Variants in KIRREL3 observed in about 807,000 individuals in gnomAD.
The protein encoded by KIRREL3 is kin of IRRE-like protein 3.
KIRREL3 carries 36 observed loss-of-function variants against 89.7 expected under a neutral mutation model. The observed-to-expected ratio is 0.40, with a 90% CI of 0.31 to 0.53. The LOEUF is 0.53. Ranked by LOEUF, KIRREL3 falls within the 20% of genes least tolerant of loss-of-function variation. The pLI is 0.49. For missense variants in KIRREL3, 864 were observed against 1,056.6 expected (o/e 0.82, Z 2.53); for synonymous variants, 445 against 441.4 (o/e 1.01, Z -0.10).
rs745805898 is a variant in KIRREL3, at chr11:126,456,039, G to GTT, written c.848+308_848+309dup. Among the ~76,000 whole-genome samples, 70 of 68,304 alleles carry GTT rather than the reference G, an allele frequency of 1.0e-3. 3 individuals carry two copies. In the South Asian group the frequency reaches 0.028, roughly 27 times the overall value. The allele number at this position is 68,304 out of a possible 152,430, so 44.8% of individuals were successfully genotyped here. A position where few individuals can be genotyped will look rare whatever the true frequency, so the allele number is the denominator to read the frequency against. On this transcript the variant is annotated intron_variant, in intron 7 of 16. Transcript: ENST00000525144. ...GTTGTTCTGGTTTTTTTTTGTTTTC[G>GTT]TTTTTTTTTTTTTTTTTTCCTGAGC...
At chr11:126,852,786 G>A (rs962078037) in intron 1 of KIRREL3, among the ~76,000 whole-genome samples, 1 of 152,184 alleles carries the variant, frequency 6.6e-6, no homozygotes, top group African/African-American at 2.4e-5. Flanking sequence ...CCCCGGCAAG[G>A]CAATGGCAGG....
Position 126,579,535 on chromosome 11 carries a change from A to G in KIRREL3, c.56-16623T>C, listed in dbSNP as rs1469438014. Among the ~76,000 whole-genome samples, 2 of 152,180 alleles carry G rather than the reference A, an allele frequency of 1.3e-5. No individual in the cohort carries two copies. Among genetic ancestry groups the G allele is most frequent in the African/African-American group, 4.8e-5 (2 of 41,444 alleles). On this transcript the variant is annotated intron_variant, in intron 1 of 16. Coordinates refer to ENST00000525144, the MANE Select transcript of KIRREL3 (RefSeq NM_032531.4). The surrounding 1 kb of genome is among the most constrained non-coding windows in gnomAD (Gnocchi z 5.3). The stretch of plus-strand genomic sequence containing the variant: ...GAGCAAATGGGGTCCGGGTTCATGC[A>G]AGAAGCCAGTGGAAGAGGAGAACTG...
chr11:126,551,446 G>A lies in KIRREL3; in HGVS notation c.133+11389C>T, dbSNP rs1236317775. Among the ~76,000 whole-genome samples the A allele has an allele frequency of 2.0e-5, 3 of 152,176 alleles. No homozygotes were observed. The stretch of plus-strand genomic sequence containing the variant: ...CTGTAGCAAGGGCTATGGGAGTTAT[G>A]AGCCGGGAACCGTGGATGAAATCCC... On this transcript the variant is annotated intron_variant, in intron 2 of 16. Coordinates refer to ENST00000525144, the MANE Select transcript of KIRREL3 (RefSeq NM_032531.4). This position sits in a 1 kb window ranked among gnomAD's most constrained non-coding sequence, Gnocchi z 4.9.
chr11:126,818,132 A>G (rs1217323676), intron 1 of KIRREL3, among the ~76,000 whole-genome samples: 2 of 152,206 alleles, frequency 1.3e-5, no homozygotes, highest in Non-Finnish European at 2.9e-5. Flanking sequence ...ATCAGGTTGT[A>G]AGGTGAGTCT....
At chr11:126,717,144 T>C (rs959147828) in intron 1 of KIRREL3, among the ~76,000 whole-genome samples, 1 of 152,156 alleles carries the variant, frequency 6.6e-6, no homozygotes, top group African/African-American at 2.4e-5. Context: ...CCTTAGACCT[T>C]CACGCTGGTC....
At chr11:126,556,359 G>C (rs1055629124) in intron 2 of KIRREL3, among the ~76,000 whole-genome samples, 1 of 152,176 alleles carries the variant, frequency 6.6e-6, no homozygotes, top group Non-Finnish European at 1.5e-5. Context: ...AAGGAACTTT[G>C]GCTGGGTGCA....
At chr11:126,425,132 C>G (rs1954891728) in intron 16 of KIRREL3, 109 bp from the exon 17 acceptor site, 1 of 1,112,066 alleles carries the variant, frequency 9.0e-7, no homozygotes, top group Non-Finnish European at 1.3e-6. Context: ...AGAGGGAAAA[C>G]AGGAGGAAGG....
In KIRREL3 at chr11:126,624,524, T is replaced by C. The variant is rs1364010530; in HGVS notation, c.56-61612A>G. Reference sequence around the variant, plus strand: ...GTTTATAATGGTGTAAAAACCCTGGTTTCCCCTTCCCATTCCCGGTGCCTT... The same window carrying C: ...GTTTATAATGGTGTAAAAACCCTGGCTTCCCCTTCCCATTCCCGGTGCCTT... On this transcript the variant is annotated intron_variant, in intron 1 of 16. Transcript: ENST00000525144. The surrounding 1 kb of genome is among the most constrained non-coding windows in gnomAD (Gnocchi z 6.0). Among the ~76,000 whole-genome samples the C allele has an allele frequency of 6.6e-6, 1 of 152,170 alleles. No homozygotes were observed. The highest frequency in any genetic ancestry group is 1.9e-4 in the East Asian group (1 of 5,188).
rs1312610009 is a variant in KIRREL3 at position 126,948,908 on chromosome 11, C to T, written c.55+51547G>A. ...CAAAACATAATCCCATATACATATACCATATAACATGCTGGGCTAGGAGAA... is the reference window on the plus strand; with the variant it reads ...CAAAACATAATCCCATATACATATATCATATAACATGCTGGGCTAGGAGAA... On this transcript the variant is annotated intron_variant, in intron 1 of 16. Transcript: ENST00000525144. This position sits in a 1 kb window ranked among gnomAD's most constrained non-coding sequence, Gnocchi z 4.5. 2.6e-5 allele frequency among the ~76,000 whole-genome samples: 4 copies of T among 152,164 alleles called. No individual in the cohort carries two copies. Among genetic ancestry groups the T allele is most frequent in the Non-Finnish European group, 4.4e-5 (3 of 68,040 alleles).
Position 126,995,529 on chromosome 11 carries a change from C to G in KIRREL3, c.55+4926G>C, listed in dbSNP as rs1950158828. The G allele has an allele frequency of 2.8e-6, 1 of 354,500 alleles. No individual in the cohort carries two copies. Among genetic ancestry groups the G allele is most frequent in the Non-Finnish European group, 5.5e-6 (1 of 180,872 alleles). The allele number at this position is 354,500 out of a possible 1,614,324, so 22.0% of individuals were successfully genotyped here. ...GCTGCAAAATAATGCCTATGCCCCT[C>G]TAGCCCCCTTAGCATCCCCCATCTA... is the stretch of plus-strand genomic sequence containing the variant. On this transcript the variant is annotated intron_variant, in intron 1 of 16. Coordinates refer to ENST00000525144, the MANE Select transcript of KIRREL3 (RefSeq NM_032531.4). The surrounding 1 kb of genome is among the most constrained non-coding windows in gnomAD (Gnocchi z 6.5).
rs1940649493 is a variant in KIRREL3 at position 126,568,083 on chromosome 11, T to C, written c.56-5171A>G. Among the ~76,000 whole-genome samples, 1 of 152,070 alleles carries C rather than the reference T, an allele frequency of 6.6e-6. No individual in the cohort carries two copies. Among genetic ancestry groups the C allele is most frequent in the Non-Finnish European group, 1.5e-5 (1 of 68,000 alleles). ...CTATCAAACAAGAAACAGAAATTAA[T>C]GGCAGGCAGTTTGGTGTGGCTGTAG... On this transcript the variant is annotated intron_variant, in intron 1 of 16. Coordinates refer to ENST00000525144, the MANE Select transcript of KIRREL3 (RefSeq NM_032531.4). This position sits in a 1 kb window ranked among gnomAD's most constrained non-coding sequence, Gnocchi z 4.6.
At position 126,455,634 on chromosome 11, in the gene KIRREL3, A is replaced by C. The variant is rs1242289937; in HGVS notation, c.848+715T>G. 4.8e-5 allele frequency among the ~76,000 whole-genome samples: 2 copies of C among 42,090 alleles called. No individual in the cohort carries two copies. Among genetic ancestry groups the C allele is most frequent in the South Asian group, 1.8e-3 (1 of 560 alleles). 27.6% of individuals were successfully genotyped at this position (42,090 alleles called of 152,430 possible). A position where few individuals can be genotyped will look rare whatever the true frequency, so the allele number is the denominator to read the frequency against. On this transcript the variant is annotated intron_variant, in intron 7 of 16. Transcript: ENST00000525144. The surrounding 1 kb of genome is among the most constrained non-coding windows in gnomAD (Gnocchi z 6.4). ...AAACGCTGTCTCTACTAAAAATACA[A>C]AAAAAAAAAAAAATTAGCTGGCGTG...
intron 1 of KIRREL3, among the ~76,000 whole-genome samples, chr11:126,672,417 C>T (rs1945995249): frequency 6.6e-6 from 1 of 152,156 alleles, no homozygotes; most frequent in South Asian, 2.1e-4. Flanking sequence ...AATGAGCTAT[C>T]AGGCGACAAC....
intron 1 of KIRREL3, among the ~76,000 whole-genome samples, chr11:126,901,208 C>T (rs1302050816): frequency 5.8e-5 from 7 of 120,212 alleles, no homozygotes; most frequent in Admixed American, 1.9e-4. Flanking sequence ...AGCGAGATTC[C>T]GTCTCAAAAA....
intron 1 of KIRREL3, among the ~76,000 whole-genome samples, chr11:126,745,150 C>T (rs183701317): frequency 7.9e-5 from 12 of 152,238 alleles, no homozygotes; most frequent in African/African-American, 1.9e-4. Context: ...CCTAGTCTCC[C>T]GGCCACACAT....
At chr11:126,478,608 T>C (rs915705318) in intron 4 of KIRREL3, among the ~76,000 whole-genome samples, 3 of 144,780 alleles carry the variant, frequency 2.1e-5, no homozygotes, top group Admixed American at 7.5e-5. Flanking sequence ...TGTATATGCA[T>C]GTATATGTGT....
At position 126,996,076 on chromosome 11, in the gene KIRREL3, G is replaced by T. The variant is rs1950172453; in HGVS notation, c.55+4379C>A. Among the ~76,000 whole-genome samples, 1 of 152,138 alleles carries T rather than the reference G, an allele frequency of 6.6e-6. No individual in the cohort carries two copies. The highest frequency in any genetic ancestry group is 6.5e-5 in the Admixed American group (1 of 15,282). The stretch of plus-strand genomic sequence containing the variant: ...TTTCTTTTCCATCCTCAATAGGTCT[G>T]GCTGGCAACTGAGGACTCCCTACTG... On this transcript the variant is annotated intron_variant, in intron 1 of 16. Coordinates refer to ENST00000525144, the MANE Select transcript of KIRREL3 (RefSeq NM_032531.4). The surrounding 1 kb of genome is among the most constrained non-coding windows in gnomAD (Gnocchi z 4.7).
In KIRREL3 at chr11:126,579,849, T is replaced by C; in HGVS notation, c.56-16937A>G. Among the ~76,000 whole-genome samples, 1 of 19,630 alleles carries C rather than the reference T, an allele frequency of 5.1e-5. No individual in the cohort carries two copies. Among genetic ancestry groups the C allele is most frequent in the African/African-American group, 2.9e-4 (1 of 3,432 alleles). 12.9% of individuals were successfully genotyped at this position (19,630 alleles called of 152,430 possible). On this transcript the variant is annotated intron_variant, in intron 1 of 16. Transcript: ENST00000525144. This position sits in a 1 kb window ranked among gnomAD's most constrained non-coding sequence, Gnocchi z 5.3. The stretch of plus-strand genomic sequence containing the variant: ...GAGGTCCTTAAAAGAGGGAGCCAAG[T>C]CATTTTTTTTTTTTGAGGCAGAGTC...
intron 11 of KIRREL3, 194 bp downstream of exon 11, chr11:126,440,255 C>T (rs1181690395): frequency 2.8e-6 from 2 of 705,792 alleles, no homozygotes; most frequent in Non-Finnish European, 5.1e-6. Flanking sequence ...TGGGAGAGCA[C>T]TGCCTGTTCT....
Sources: allele counts gnomAD v4.1 joint callset (sites outside exome capture counted in the v4.1 genomes callset), GRCh38; gene constraint gnomAD v4.1.1; non-coding constraint Gnocchi (gnomAD v3.1); transcripts MANE v1.5; gene names NCBI Gene and HGNC (gene_info 2026-07-23, HGNC 2026-07-21).